PRICKLE1: variants seen among roughly 807,000 people sequenced by gnomAD.
PRICKLE1 encodes the protein prickle-like protein 1.
PRICKLE1 carries 14 observed loss-of-function variants against 70.2 expected under a neutral mutation model. The ratio of observed to expected loss-of-function variants is 0.20; its 90% CI spans 0.13 to 0.31. The LOEUF is 0.31. PRICKLE1 is among the 10% of genes least tolerant of loss of function. The pLI is 1.00. For missense variants in PRICKLE1, 821 were observed against 1,026.2 expected (o/e 0.80, Z 2.73); for synonymous variants, 357 against 379.9 (o/e 0.94, Z 0.70).
At chr12:42,560,539 A>C (rs1940494176) in intron 1 of PRICKLE1, among the ~76,000 whole-genome samples, 1 of 152,114 alleles carries the variant, frequency 6.6e-6, no homozygotes, top group Non-Finnish European at 1.5e-5. Context: ...CAGAAAGAGA[A>C]TATGTGACCC....
Position 42,459,738 on chromosome 12 carries a change from A to T in PRICKLE1, c.*71T>A. 1 of 1,575,586 alleles carries T rather than the reference A, an allele frequency of 6.3e-7. No individual in the cohort carries two copies. Among genetic ancestry groups the T allele is most frequent in the Non-Finnish European group, 8.7e-7 (1 of 1,147,332 alleles). Reference sequence around the variant, plus strand: ...TTTAAACTATTTTCACAACTTTCCTACGGAAGAAAAGGAAACGATTCAGAC... The same window carrying T: ...TTTAAACTATTTTCACAACTTTCCTTCGGAAGAAAAGGAAACGATTCAGAC... On this transcript the variant is annotated 3_prime_UTR_variant, in exon 8 of 8. Coordinates refer to ENST00000345127, the MANE Select transcript of PRICKLE1 (RefSeq NM_153026.3).
Position 42,572,067 on chromosome 12 carries a change from T to A in PRICKLE1, c.-49+17398A>T, listed in dbSNP as rs201856644. Among the ~76,000 whole-genome samples the A allele has an allele frequency of 6.6e-5, 10 of 152,272 alleles. No individual in the cohort carries two copies. In the South Asian group the frequency reaches 2.1e-3, roughly 32 times the overall value. The stretch of plus-strand genomic sequence containing the variant: ...AAAGATATATAAACATTTGCAGATT[T>A]AAAAAAATTATTAATATCCCAGATG... On this transcript the variant is annotated intron_variant, in intron 1 of 7. Coordinates refer to ENST00000345127, the MANE Select transcript of PRICKLE1 (RefSeq NM_153026.3).
intron 1 of PRICKLE1, among the ~76,000 whole-genome samples, chr12:42,562,768 G>T (rs1350134394): frequency 1.3e-5 from 2 of 151,936 alleles, no homozygotes; most frequent in African/African-American, 4.8e-5. Flanking sequence ...AGAAGGAAAA[G>T]AAAAAAATTG....
At chr12:42,568,882 T>C (rs572601696) in intron 1 of PRICKLE1, among the ~76,000 whole-genome samples, 20 of 152,176 alleles carry the variant, frequency 1.3e-4, no homozygotes, top group Non-Finnish European at 2.2e-4. Flanking sequence ...TACTGAAATA[T>C]GTTTTTTGAT....
intron 1 of PRICKLE1, among the ~76,000 whole-genome samples, chr12:42,584,113 T>C (rs1940948335): frequency 6.6e-6 from 1 of 152,200 alleles, no homozygotes; most frequent in African/African-American, 2.4e-5. Flanking sequence ...AGAGTTTACT[T>C]CCAATAAAAT....
At position 42,519,355 on chromosome 12, in the gene PRICKLE1, C is replaced by T. The variant is rs190225537; in HGVS notation, c.-48-46791G>A. Among the ~76,000 whole-genome samples the T allele has an allele frequency of 2.1e-3, 323 of 152,090 alleles. 2 individuals carry two copies. The South Asian group carries it at 0.023, about 11-fold the overall frequency. ...GGGATAATAGATGTGTGCCACCATG[C>T]CCGGCTAATTTTGTGTTTTTAGTAG... On this transcript the variant is annotated intron_variant, in intron 1 of 7. Coordinates refer to ENST00000345127, the MANE Select transcript of PRICKLE1 (RefSeq NM_153026.3).
chr12:42,497,814 G>A (rs748399170), intron 1 of PRICKLE1, among the ~76,000 whole-genome samples: 3 of 152,058 alleles, frequency 2.0e-5, no homozygotes, highest in Non-Finnish European at 4.4e-5. Flanking sequence ...TGTGAAGCAT[G>A]ATACAGCAGT....
intron 1 of PRICKLE1, chr12:42,485,410 C>T (rs1167529173): frequency 6.6e-6 from 1 of 152,006 alleles, no homozygotes; most frequent in Non-Finnish European, 1.5e-5. Context: ...GAAGACGATT[C>T]CCAAAACGTT....
chr12:42,514,898 T>TATC (rs71084665), intron 1 of PRICKLE1, among the ~76,000 whole-genome samples: 4,376 of 98,580 alleles, frequency 0.044, 79 homozygotes, highest in Middle Eastern at 0.11. Flanking sequence ...TCTATCTATC[T>TATC]ATCTATCTAT....
At chr12:42,463,848 C>G (rs1323480425) in intron 7 of PRICKLE1, 1 of 174,454 alleles carries the variant, frequency 5.7e-6, no homozygotes, top group Non-Finnish European at 1.2e-5. Context: ...AATCAATTTC[C>G]TTCTCTTCAA....
intron 1 of PRICKLE1, among the ~76,000 whole-genome samples, chr12:42,539,521 A>C (rs993571175): frequency 6.6e-6 from 1 of 151,940 alleles, no homozygotes; most frequent in East Asian, 1.9e-4. Context: ...TTCTTATATT[A>C]CTGAGACCTT....
rs543228141 is a variant in PRICKLE1, at chr12:42,540,488, G to A, written c.-49+48977C>T. On this transcript the variant is annotated intron_variant, in intron 1 of 7. Transcript: ENST00000345127. Reference sequence around the variant, plus strand: ...TAAACAAATATTTAGCATATAGTAAGCTTTAAATGAATGCTAATTATTTTT... The same window carrying A: ...TAAACAAATATTTAGCATATAGTAAACTTTAAATGAATGCTAATTATTTTT... Among the ~76,000 whole-genome samples the A allele has an allele frequency of 2.0e-5, 3 of 152,256 alleles. 1 individual carries two copies. The South Asian group carries it at 6.2e-4, about 32-fold the overall frequency.
intron 1 of PRICKLE1, among the ~76,000 whole-genome samples, chr12:42,482,520 T>C (rs1938830689): frequency 6.6e-6 from 1 of 152,238 alleles, no homozygotes; most frequent in Non-Finnish European, 1.5e-5. Context: ...CAGCCAGACT[T>C]GACTCCAATG....
chr12:42,558,415 A>G (rs1940449035), intron 1 of PRICKLE1, among the ~76,000 whole-genome samples: 1 of 152,180 alleles, frequency 6.6e-6, no homozygotes, highest in Non-Finnish European at 1.5e-5. Flanking sequence ...AACAACAAAA[A>G]AGGCACAATG....
At chr12:42,559,443 C>G (rs994377560) in intron 1 of PRICKLE1, among the ~76,000 whole-genome samples, 1 of 151,312 alleles carries the variant, frequency 6.6e-6, no homozygotes, top group Non-Finnish European at 1.5e-5. Flanking sequence ...TGCAGTGGTG[C>G]GATCATAGAT....
chr12:42,486,185 C>T (rs1938987722), intron 1 of PRICKLE1, among the ~76,000 whole-genome samples: 1 of 152,210 alleles, frequency 6.6e-6, no homozygotes, highest in Non-Finnish European at 1.5e-5. Context: ...GAGAAGGCTT[C>T]AACTCCCTAA....
At chr12:42,483,512 C>G (rs1395984182) in intron 1 of PRICKLE1, 1 of 151,992 alleles carries the variant, frequency 6.6e-6, no homozygotes, top group Non-Finnish European at 1.5e-5. Flanking sequence ...GGAGGACTCC[C>G]GAAGGAACAG....
intron 1 of PRICKLE1, among the ~76,000 whole-genome samples, chr12:42,478,480 C>A (rs1938659615): frequency 6.6e-6 from 1 of 152,116 alleles, no homozygotes; most frequent in Non-Finnish European, 1.5e-5. Flanking sequence ...GTGGAGGGCA[C>A]AAAACCTTTT....
At chr12:42,581,478 C>T (rs545393240) in intron 1 of PRICKLE1, among the ~76,000 whole-genome samples, 1 of 152,168 alleles carries the variant, frequency 6.6e-6, no homozygotes, top group South Asian at 2.1e-4. Flanking sequence ...GGTGAGGTGG[C>T]TCACACCTGT....
Sources: gnomAD v4.1 joint callset for allele counts (sites outside exome capture counted in the v4.1 genomes callset) on GRCh38, gnomAD v4.1.1 for gene constraint, MANE v1.5 for transcripts, NCBI Gene and HGNC (gene_info 2026-07-23, HGNC 2026-07-21) for gene names.